The following ATP13A3 variants were observed in gnomAD, a reference collection of about 807,000 sequenced individuals.
ATP13A3 encodes polyamine-transporting ATPase 13A3.
In ATP13A3, 59 loss-of-function variants were observed where a neutral mutation model predicts 158.1. That is an observed-to-expected ratio of 0.37 (90% CI 0.30 to 0.46). The LOEUF is 0.46. Among genes scored for constraint, ATP13A3 ranks in the 20% least tolerant of loss-of-function variants. The pLI is 1.00. For synonymous variants in ATP13A3, 491 were observed against 504.3 expected (o/e 0.97, Z 0.35); for missense variants, 1,166 against 1,525.2 (o/e 0.76, Z 3.92).
chr3:194,430,416 C>A, intron 24 of ATP13A3, 101 bp from the exon 25 acceptor site: 1 of 1,262,130 alleles, frequency 7.9e-7, no homozygotes, highest in Non-Finnish European at 1.1e-6. Context: ...AGAGCTAACA[C>A]ACCAAGATTC....
intron 10 of ATP13A3, chr3:194,450,803 A>G (rs1718751261): frequency 6.6e-6 from 1 of 152,438 alleles, no homozygotes; most frequent in Non-Finnish European, 1.5e-5. Flanking sequence ...TTTAGATATT[A>G]TTTTAAATAT....
intron 10 of ATP13A3, 102 bp downstream of exon 10, chr3:194,453,604 A>G (rs1718979913): frequency 1.2e-6 from 1 of 868,956 alleles, no homozygotes; most frequent in Admixed American, 2.3e-5. Context: ...CAATCAATCA[A>G]TCAATCAAAG....
intron 16 of ATP13A3, among the ~76,000 whole-genome samples, chr3:194,440,104 G>C (rs1265457010): frequency 6.6e-6 from 1 of 152,086 alleles, no homozygotes; most frequent in Non-Finnish European, 1.5e-5. Flanking sequence ...GGGAAGGGAG[G>C]ATCCTGTAAA....
intron 2 of ATP13A3, among the ~76,000 whole-genome samples, chr3:194,482,906 G>A (rs1720809389): frequency 6.6e-6 from 1 of 152,128 alleles, no homozygotes; most frequent in Non-Finnish European, 1.5e-5. Context: ...AGGAGTTCAA[G>A]ATCAGACTGG....
chr3:194,431,562 C>T (rs1013029279), intron 22 of ATP13A3, among the ~76,000 whole-genome samples, 155 bp downstream of exon 22: 6 of 152,194 alleles, frequency 3.9e-5, no homozygotes, highest in African/African-American at 1.4e-4. Flanking sequence ...GGGTCTGTCC[C>T]AGTCCTAATG....
intron 28 of ATP13A3, among the ~76,000 whole-genome samples, 181 bp from the exon 29 acceptor site, chr3:194,427,433 C>G (rs1006192849): frequency 3.3e-5 from 5 of 151,868 alleles, no homozygotes; most frequent in Non-Finnish European, 5.9e-5. Flanking sequence ...TAAAAGTAAA[C>G]AGTGTAGGCT....
intron 16 of ATP13A3, among the ~76,000 whole-genome samples, chr3:194,440,495 A>G (rs1218161160): frequency 6.6e-6 from 1 of 152,230 alleles, no homozygotes; most frequent in Non-Finnish European, 1.5e-5. Context: ...CACCAGACAC[A>G]GAGCAAGCAC....
At chr3:194,492,228 C>A (rs1415055383) in intron 2 of ATP13A3, among the ~76,000 whole-genome samples, 2 of 152,138 alleles carry the variant, frequency 1.3e-5, no homozygotes, top group African/African-American at 2.4e-5. Flanking sequence ...AACGCACCAA[C>A]CTCTTTCCTG....
chr3:194,461,158 T>A (rs2108973920), intron 3 of ATP13A3, among the ~76,000 whole-genome samples: 1 of 152,338 alleles, frequency 6.6e-6, no homozygotes, highest in African/African-American at 2.4e-5. Context: ...ATCTTTTTAA[T>A]TCTTCTTGAA....
chr3:194,414,439 G>T (rs1183964125), intron 31 of ATP13A3, among the ~76,000 whole-genome samples: 1 of 149,356 alleles, frequency 6.7e-6, no homozygotes, highest in Non-Finnish European at 1.5e-5. Context: ...CTCCAGCGTG[G>T]GTGACAGAAG....
At chr3:194,418,274 G>A (rs1716035559) in intron 31 of ATP13A3, among the ~76,000 whole-genome samples, 1 of 152,042 alleles carries the variant, frequency 6.6e-6, no homozygotes, top group Non-Finnish European at 1.5e-5. Context: ...GCCAAACTGA[G>A]ACACGAGGAA....
At chr3:194,436,823 G>A (rs988080601) in intron 20 of ATP13A3, among the ~76,000 whole-genome samples, 3 of 152,170 alleles carry the variant, frequency 2.0e-5, no homozygotes, top group South Asian at 2.1e-4. Flanking sequence ...CGCTTGAACC[G>A]GGGAGGCGGA....
intron 6 of ATP13A3, chr3:194,459,120 G>A (rs1719456225): frequency 5.1e-6 from 1 of 197,678 alleles, no homozygotes; most frequent in Admixed American, 5.9e-5. Context: ...GGCTTTAAGT[G>A]TCAGTAAACC....
Position 194,403,917 on chromosome 3 carries a change from T to TCG in ATP13A3, c.*2001_*2002insCG. The TCG allele has an allele frequency of 2.9e-5, 8 of 273,852 alleles. No individual in the cohort carries two copies. The highest frequency in any genetic ancestry group is 2.4e-4 in the South Asian group (8 of 33,164). 17.0% of individuals were successfully genotyped at this position (273,852 alleles called of 1,614,324 possible). On this transcript the variant is annotated 3_prime_UTR_variant, in exon 34 of 34. Transcript: ENST00000645319. ...TTACTAACTCTAAATGTTAAAAAAG[T>TCG]GGGGGGGGGGTGTCAAAAATAGCTC...
chr3:194,406,976 T>C (rs1463858624), intron 33 of ATP13A3, among the ~76,000 whole-genome samples: 1 of 152,216 alleles, frequency 6.6e-6, no homozygotes, highest in Non-Finnish European at 1.5e-5. Flanking sequence ...ACTGAAATCC[T>C]TCTGATCAAT....
At chr3:194,433,350 T>A (rs1717377676) in intron 21 of ATP13A3, among the ~76,000 whole-genome samples, 2 of 150,876 alleles carry the variant, frequency 1.3e-5, no homozygotes, top group Non-Finnish European at 2.9e-5. Flanking sequence ...TTCACGCCAT[T>A]CTCCTGCCTC....
intron 30 of ATP13A3, among the ~76,000 whole-genome samples, chr3:194,424,049 T>C (rs1179975946): frequency 6.6e-6 from 1 of 151,986 alleles, no homozygotes; most frequent in Non-Finnish European, 1.5e-5. Context: ...CCAATGCTAA[T>C]GATTAAATGC....
intron 2 of ATP13A3, among the ~76,000 whole-genome samples, chr3:194,472,734 C>T (rs991091151): frequency 7.2e-5 from 11 of 152,158 alleles, no homozygotes; most frequent in African/African-American, 2.7e-4. Flanking sequence ...ATAGCAAAGA[C>T]ATGGAATCAA....
intron 33 of ATP13A3, among the ~76,000 whole-genome samples, chr3:194,407,578 C>A (rs995405788): frequency 1.3e-5 from 2 of 152,152 alleles, no homozygotes; most frequent in East Asian, 1.9e-4. Flanking sequence ...CGTGACTCAC[C>A]GCTCTCAATG....
Sources: gnomAD v4.1 joint callset for allele counts (sites outside exome capture counted in the v4.1 genomes callset) on GRCh38, gnomAD v4.1.1 for gene constraint, MANE v1.5 for transcripts, NCBI Gene and HGNC (gene_info 2026-07-23, HGNC 2026-07-21) for gene names.